The following IL18RAP variants were observed in gnomAD, a reference collection of about 807,000 sequenced individuals.
The protein encoded by IL18RAP is interleukin 18 receptor accessory protein.
Under a neutral mutation model 58.1 loss-of-function variants are expected in IL18RAP, and 37 were observed. That is an observed-to-expected ratio of 0.64 (90% confidence interval 0.49 to 0.84). The LOEUF (loss-of-function observed/expected upper bound fraction) is 0.84. Ranked by LOEUF, IL18RAP falls within the 40% of genes least tolerant of loss-of-function variation. The pLI, the probability that IL18RAP is intolerant of heterozygous loss-of-function variation, is 0.00. For missense variants in IL18RAP, 667 were observed against 704.8 expected, an observed-to-expected ratio of 0.95 and a Z score of 0.61; for synonymous variants, 268 against 257.5, an observed-to-expected ratio of 1.04 and a Z score of -0.39.
At position 102,449,126 on chromosome 2, in the gene IL18RAP, G is replaced by A. The variant is rs145041297; in HGVS notation, c.1211-1722G>A. On this transcript the variant is annotated intron_variant, in intron 8 of 9. Coordinates refer to ENST00000687160, the MANE Select transcript of IL18RAP (RefSeq NM_001393487.1). Reference sequence around the variant, plus strand: ...TTACTAAAAATACAAAATGTAGCCAGGCTTGGTGGCAGGCACCTGTAATCC... The same window carrying A: ...TTACTAAAAATACAAAATGTAGCCAAGCTTGGTGGCAGGCACCTGTAATCC... Among the ~76,000 whole-genome samples, 319 of 152,090 alleles carry A rather than the reference G, an allele frequency of 2.1e-3. 1 individual carries two copies. Among genetic ancestry groups the A allele is most frequent in the African/African-American group, 7.2e-3 (298 of 41,474 alleles).
At chr2:102,437,383 A>C (rs962103069) in intron 4 of IL18RAP, 21 bp downstream of exon 4, 14 of 1,602,386 alleles carry the variant, frequency 8.7e-6, no homozygotes, top group Middle Eastern at 1.7e-4. Flanking sequence ...TTTTTATCTC[A>C]AGATTTGAGA....
intron 2 of IL18RAP, 37 bp from the exon 3 acceptor site, chr2:102,424,194 A>C (rs1404053614): frequency 2.5e-6 from 4 of 1,610,046 alleles, no homozygotes; most frequent in Admixed American, 3.4e-5. Context: ...TATCTAGACA[A>C]AATATCTATG....
chr2:102,420,817 G>C (rs958040745), upstream of IL18RAP, among the ~76,000 whole-genome samples: 1 of 152,222 alleles, frequency 6.6e-6, no homozygotes, highest in Non-Finnish European at 1.5e-5. Flanking sequence ...AAGAGCCTAA[G>C]TGACTTAATT....
chr2:102,449,535 G>A (rs1056276713), intron 8 of IL18RAP, among the ~76,000 whole-genome samples: 2 of 152,078 alleles, frequency 1.3e-5, no homozygotes, highest in Non-Finnish European at 2.9e-5. Context: ...ATCAGATCTG[G>A]AGGCAGAATC....
chr2:102,452,257 T>C lies in IL18RAP; in HGVS notation c.*76T>C, dbSNP rs1683821519. On this transcript the variant is annotated 3_prime_UTR_variant, in exon 10 of 10. Transcript: ENST00000687160. ...TGGACAGAACTCACAGCTCTGTGTG[T>C]GTGTGTTCAGGCTGATAGGAAATTC... 1 of 1,357,332 alleles carries C rather than the reference T, an allele frequency of 7.4e-7. No individual in the cohort carries two copies. 84.1% of individuals were successfully genotyped at this position (1,357,332 alleles called of 1,614,324 possible). A position where few individuals can be genotyped will look rare whatever the true frequency, so the allele number is the denominator to read the frequency against.
intron 3 of IL18RAP, among the ~76,000 whole-genome samples, chr2:102,433,087 C>A (rs1406879172): frequency 1.3e-5 from 2 of 152,072 alleles, no homozygotes; most frequent in Admixed American, 6.5e-5. Flanking sequence ...TTGCTGTGAC[C>A]TCCTGTTAGT....
upstream of IL18RAP, among the ~76,000 whole-genome samples, chr2:102,420,253 G>T (rs568911711): frequency 7.2e-5 from 11 of 152,180 alleles, no homozygotes; most frequent in Non-Finnish European, 1.3e-4. Context: ...CCTGAGCAGG[G>T]TTTCCCAAAA....
intron 3 of IL18RAP, among the ~76,000 whole-genome samples, chr2:102,435,817 C>T (rs1228965817): frequency 6.6e-6 from 1 of 151,302 alleles, no homozygotes; most frequent in Non-Finnish European, 1.5e-5. Flanking sequence ...TCACATATAC[C>T]TTTAAAAGTC....
rs1256752951 is a variant in IL18RAP, at chr2:102,447,161, A to G, written c.1164A>G (p.Ile388Met). ...TCCTCTACAGGCACTGGATTGAAAT[A>G]GTGCTGCTGTACCGGACCTACCAGA... Reference protein sequence around the residue: ...SALLYRHWIEIVLLYRTYQSK... With the variant: ...SALLYRHWIEMVLLYRTYQSK... The change falls in exon 8 of 10, where the codon ATA becomes ATG. Residue 388 changes from isoleucine (I) to methionine (M), a missense_variant. Ile to Met is a conservative substitution (Grantham distance 10). Coordinates refer to ENST00000687160, the MANE Select transcript of IL18RAP (RefSeq NM_001393487.1). The G allele has an allele frequency of 6.2e-7, 1 of 1,614,058 alleles. No homozygotes were observed. Among genetic ancestry groups the G allele is most frequent in the Admixed American group, 1.7e-5 (1 of 60,004 alleles).
At chr2:102,441,478 T>A in intron 5 of IL18RAP, 101 bp downstream of exon 5, 1 of 914,394 alleles carries the variant, frequency 1.1e-6, no homozygotes. Flanking sequence ...TCAAACAGAA[T>A]TGGGTGTGAA....
upstream of IL18RAP, chr2:102,419,011 A>C (rs1426575931): frequency 6.6e-6 from 1 of 152,316 alleles, no homozygotes; most frequent in Non-Finnish European, 1.5e-5. Flanking sequence ...AGAATAGCTT[A>C]AATAATTTAA....
intron 4 of IL18RAP, chr2:102,438,933 G>A (rs1206908853): frequency 6.6e-6 from 1 of 152,282 alleles, no homozygotes; most frequent in African/African-American, 2.4e-5. Context: ...CCCAACCTGG[G>A]GAAGCCCGCT....
At chr2:102,448,318 G>A (rs191416139) in intron 8 of IL18RAP, among the ~76,000 whole-genome samples, 6 of 152,152 alleles carry the variant, frequency 3.9e-5, no homozygotes, top group African/African-American at 9.7e-5. Flanking sequence ...CTTTTAAGAC[G>A]GTGGGAATGC....
chr2:102,448,702 G>T (rs1448013171), intron 8 of IL18RAP, among the ~76,000 whole-genome samples: 1 of 152,146 alleles, frequency 6.6e-6, no homozygotes, highest in African/African-American at 2.4e-5. Flanking sequence ...GCTCACACCT[G>T]TAATCCCAGC....
chr2:102,434,257 G>T (rs947653362), intron 3 of IL18RAP: 1 of 152,076 alleles, frequency 6.6e-6, no homozygotes. Context: ...TTTTAGCTTT[G>T]GGACAGCCTC....
chr2:102,436,191 C>T (rs755920470), intron 3 of IL18RAP, among the ~76,000 whole-genome samples: 3 of 152,150 alleles, frequency 2.0e-5, no homozygotes, highest in African/African-American at 4.8e-5. Context: ...ATTCCCCATC[C>T]TCCCCCTTGG....
At chr2:102,443,567 T>C (rs1018315730) in intron 6 of IL18RAP, among the ~76,000 whole-genome samples, 3 of 152,204 alleles carry the variant, frequency 2.0e-5, no homozygotes, top group Admixed American at 6.5e-5. Flanking sequence ...CAGACAGTTG[T>C]ACTGACCCAG....
At chr2:102,437,408 TA>T (rs768436069) in intron 4 of IL18RAP, 46 bp downstream of exon 4, 4 of 1,571,542 alleles carry the variant, frequency 2.5e-6, no homozygotes, top group Non-Finnish European at 3.5e-6. Flanking sequence ...AGCAGCAAAT[TA>T]AAATTATCTT....
Position 102,452,219 on chromosome 2 carries a change from A to T in IL18RAP, c.*38A>T, listed in dbSNP as rs1013698880. On this transcript the variant is annotated 3_prime_UTR_variant, in exon 10 of 10. Coordinates refer to ENST00000687160, the MANE Select transcript of IL18RAP (RefSeq NM_001393487.1). Reference sequence around the variant, plus strand: ...AGCCCCCTCCAGTCCAGTCCCTGGGATAGAGATGTTGCTGGACAGAACTCA... The same window carrying T: ...AGCCCCCTCCAGTCCAGTCCCTGGGTTAGAGATGTTGCTGGACAGAACTCA... 1 of 1,531,010 alleles carries T rather than the reference A, an allele frequency of 6.5e-7. No homozygotes were observed. The highest frequency in any genetic ancestry group is 1.4e-5 in the African/African-American group (1 of 72,108). 94.8% of individuals were successfully genotyped at this position (1,531,010 alleles called of 1,614,324 possible). A position where few individuals can be genotyped will look rare whatever the true frequency, so the allele number is the denominator to read the frequency against.
Sources: gnomAD v4.1 joint callset for allele counts (sites outside exome capture counted in the v4.1 genomes callset) on GRCh38, gnomAD v4.1.1 for gene constraint, MANE v1.5 for transcripts, NCBI Gene and HGNC (gene_info 2026-07-23, HGNC 2026-07-21) for gene names.